The following GLCE variants were observed in gnomAD, a reference collection of about 807,000 sequenced individuals.
GLCE encodes the protein D-glucuronyl C5-epimerase.
In GLCE, 19 loss-of-function variants were observed where a neutral mutation model predicts 47.9. The ratio of observed to expected loss-of-function variants is 0.40; its 90% CI spans 0.28 to 0.58. The LOEUF (loss-of-function observed/expected upper bound fraction) is 0.58. GLCE is among the 20% of genes least tolerant of loss of function. GLCE has a pLI of 0.48. For synonymous variants in GLCE, 245 were observed against 263.4 expected (o/e 0.93, Z 0.68); for missense variants, 556 against 743.3 (o/e 0.75, Z 2.93).
intron 1 of GLCE, among the ~76,000 whole-genome samples, chr15:69,177,565 A>G (rs958755561): frequency 3.3e-5 from 5 of 152,160 alleles, no homozygotes; most frequent in Non-Finnish European, 7.3e-5. Context: ...ACCACATTCA[A>G]AATAGTGACC....
intron 1 of GLCE, among the ~76,000 whole-genome samples, chr15:69,195,362 G>C (rs1595748310): frequency 1.3e-5 from 2 of 151,686 alleles, no homozygotes; most frequent in African/African-American, 4.8e-5. Flanking sequence ...AAAAAAATAC[G>C]TATATTGGAA....
At chr15:69,176,567 C>T (rs1188669983) in intron 1 of GLCE, among the ~76,000 whole-genome samples, 1 of 151,890 alleles carries the variant, frequency 6.6e-6, no homozygotes, top group Non-Finnish European at 1.5e-5. Context: ...TATGGCACTG[C>T]AATATAGAAT....
intron 1 of GLCE, among the ~76,000 whole-genome samples, chr15:69,208,635 C>A (rs8041810): frequency 0.69 from 105,370 of 151,806 alleles, 37,575 homozygotes; most frequent in Non-Finnish European, 0.77. Flanking sequence ...ATAATCTTGG[C>A]ATCAGCTTGT....
At chr15:69,254,125 G>C (rs1033454206) in intron 2 of GLCE, among the ~76,000 whole-genome samples, 2 of 151,954 alleles carry the variant, frequency 1.3e-5, no homozygotes, top group African/African-American at 4.8e-5. Flanking sequence ...ATGAGAAGGG[G>C]GGATTAAAAA....
At chr15:69,171,643 A>T (rs1350711548) in intron 1 of GLCE, among the ~76,000 whole-genome samples, 1 of 151,914 alleles carries the variant, frequency 6.6e-6, no homozygotes, top group Non-Finnish European at 1.5e-5. Flanking sequence ...TGATCCACCC[A>T]CCTTGACCTC....
chr15:69,256,001 G>A lies in GLCE; in HGVS notation c.195G>A (p.Met65Ile). Residue 65 changes from methionine to isoleucine, a missense_variant, in exon 3 of 5, where the codon ATG (methionine) becomes ATA (isoleucine). Coordinates refer to ENST00000261858, the MANE Select transcript of GLCE (RefSeq NM_015554.3). ...CAGCATCTGAGAGTAACAACTATAT[G>A]AACCACGTGGCCAAACAACAGTCTG... is the stretch of plus-strand genomic sequence containing the variant. Reference protein sequence around the residue: ...RAAASESNNYMNHVAKQQSEE... With the variant: ...RAAASESNNYINHVAKQQSEE... 1 of 1,614,048 alleles carries A rather than the reference G, an allele frequency of 6.2e-7. No homozygotes were observed. The highest frequency in any genetic ancestry group is 8.5e-7 in the Non-Finnish European group (1 of 1,179,972).
intron 2 of GLCE, among the ~76,000 whole-genome samples, chr15:69,210,992 A>G (rs1487326913): frequency 6.6e-6 from 1 of 152,152 alleles, no homozygotes; most frequent in African/African-American, 2.4e-5. Flanking sequence ...ATTATAATAC[A>G]TGAAATGGTA....
At chr15:69,223,175 T>A (rs1414182718) in intron 2 of GLCE, among the ~76,000 whole-genome samples, 1 of 152,216 alleles carries the variant, frequency 6.6e-6, no homozygotes, top group Non-Finnish European at 1.5e-5. Flanking sequence ...TATTGAGATA[T>A]TTATTTCTGG....
intron 4 of GLCE, among the ~76,000 whole-genome samples, chr15:69,265,403 G>A (rs2053071609): frequency 6.6e-6 from 1 of 152,144 alleles, no homozygotes; most frequent in South Asian, 2.1e-4. Flanking sequence ...CGTGAATGAT[G>A]CCAGGAGGTT....
At chr15:69,185,659 C>T (rs1335979763) in intron 1 of GLCE, among the ~76,000 whole-genome samples, 1 of 151,700 alleles carries the variant, frequency 6.6e-6, no homozygotes, top group African/African-American at 2.4e-5. Flanking sequence ...TACTCTCACA[C>T]CACCACAAAA....
chr15:69,256,316 C>T lies in GLCE; in HGVS notation c.510C>T (p.Pro170=), dbSNP rs749270203. 4.2e-5 allele frequency: 67 copies of T among 1,613,832 alleles called. No homozygotes were observed. The highest frequency in any genetic ancestry group is 4.6e-5 in the Non-Finnish European group (54 of 1,179,964). The change falls in exon 3 of 5, where the codon CCC becomes CCT. Residue 170 remains proline (P), a synonymous_variant. Coordinates refer to ENST00000261858, the MANE Select transcript of GLCE (RefSeq NM_015554.3). The part of the protein sequence containing the change: ...KVYAQRAPYH[P]DGVFMSFEGY... ...ATGCACAGAGAGCCCCCTATCACCC[C>T]GATGGTGTGTTTATGTCTTTTGAAG...
intron 1 of GLCE, among the ~76,000 whole-genome samples, chr15:69,202,185 G>A (rs1427213556): frequency 6.6e-6 from 1 of 151,870 alleles, no homozygotes; most frequent in Non-Finnish European, 1.5e-5. Flanking sequence ...CTCCCAAAAT[G>A]ATGGGATTAT....
chr15:69,268,990 G>A lies in GLCE; in HGVS notation c.1600G>A (p.Ala534Thr), dbSNP rs1413722046. 3 of 1,614,078 alleles carry A rather than the reference G, an allele frequency of 1.9e-6. No homozygotes were observed. The highest frequency in any genetic ancestry group is 1.7e-6 in the Non-Finnish European group (2 of 1,180,038). ...ETAGEKLGKE[A>T]RSLYERGMES... Reference sequence around the variant, plus strand: ...TGCAGGGGAAAAACTCGGAAAAGAAGCAAGGTCCTTGTATGAGCGTGGCAT... The same window carrying A: ...TGCAGGGGAAAAACTCGGAAAAGAAACAAGGTCCTTGTATGAGCGTGGCAT... The change falls in exon 5 of 5, where the codon GCA becomes ACA. Residue 534 changes from alanine to threonine, a missense_variant. Coordinates refer to ENST00000261858, the MANE Select transcript of GLCE (RefSeq NM_015554.3).
intron 1 of GLCE, among the ~76,000 whole-genome samples, chr15:69,193,884 T>C (rs1210309289): frequency 1.3e-5 from 2 of 152,162 alleles, no homozygotes; most frequent in Non-Finnish European, 2.9e-5. Flanking sequence ...ATTGCCTTTG[T>C]AGTAGGTGTC....
chr15:69,229,642 G>A (rs563738496), intron 2 of GLCE, among the ~76,000 whole-genome samples: 1 of 150,998 alleles, frequency 6.6e-6, no homozygotes, highest in Non-Finnish European at 1.5e-5. Flanking sequence ...TTTTTTTAAA[G>A]CAGTATAGTT....
chr15:69,257,856 C>A (rs1453597043), intron 3 of GLCE, among the ~76,000 whole-genome samples: 1 of 151,602 alleles, frequency 6.6e-6, no homozygotes, highest in Non-Finnish European at 1.5e-5. Context: ...TTTTTTTCAG[C>A]AGTTTTTTAA....
intron 3 of GLCE, among the ~76,000 whole-genome samples, chr15:69,256,811 A>C (rs1224145852): frequency 2.0e-5 from 3 of 152,208 alleles, no homozygotes; most frequent in Non-Finnish European, 4.4e-5. Context: ...GGAGGTTTCA[A>C]GTCTTCAGAA....
At chr15:69,212,707 C>T (rs998588705) in intron 2 of GLCE, among the ~76,000 whole-genome samples, 3 of 151,986 alleles carry the variant, frequency 2.0e-5, no homozygotes, top group African/African-American at 7.2e-5. Context: ...CATATTACCG[C>T]ATAGCTGTTA....
chr15:69,181,291 T>C (rs1208541827), intron 1 of GLCE, among the ~76,000 whole-genome samples: 2 of 152,114 alleles, frequency 1.3e-5, no homozygotes, highest in Non-Finnish European at 2.9e-5. Context: ...AGGTTTAAGT[T>C]TGGGAATTAT....
Sources: gnomAD v4.1 joint callset for allele counts (sites outside exome capture counted in the v4.1 genomes callset) on GRCh38, gnomAD v4.1.1 for gene constraint, MANE v1.5 for transcripts, NCBI Gene and HGNC (gene_info 2026-07-23, HGNC 2026-07-21) for gene names.